OSBPL9: variants seen among roughly 807,000 people sequenced by gnomAD.
The protein encoded by OSBPL9 is oxysterol binding protein like 9, also known as oxysterol-binding protein-related protein 9.
Under a neutral mutation model 106.6 loss-of-function variants are expected in OSBPL9, and 40 were observed. That is an observed-to-expected ratio of 0.38 (90% CI 0.29 to 0.49). OSBPL9 has a LOEUF of 0.49. Among genes scored for constraint, OSBPL9 ranks in the 20% least tolerant of loss-of-function variants. The probability of loss-of-function intolerance (pLI) is 0.97; values close to 1 mark genes in which losing one functional copy is unlikely to be tolerated. For missense variants in OSBPL9, 609 were observed against 887.2 expected (o/e 0.69, Z 3.98); for synonymous variants, 269 against 295.4 (o/e 0.91, Z 0.92).
At chr1:51,621,389 C>T (rs1644424425) in intron 1 of OSBPL9, among the ~76,000 whole-genome samples, 1 of 151,894 alleles carries the variant, frequency 6.6e-6, no homozygotes, top group Non-Finnish European at 1.5e-5. Flanking sequence ...ACTTGGGAGG[C>T]CAAGAATTCA....
chr1:51,732,244 T>C (rs953312237), intron 4 of OSBPL9, among the ~76,000 whole-genome samples: 2 of 152,180 alleles, frequency 1.3e-5, no homozygotes, highest in African/African-American at 4.8e-5. Flanking sequence ...GACAAGAAAA[T>C]CTGATAATCA....
chr1:51,629,087 G>A (rs1021746732), intron 1 of OSBPL9, among the ~76,000 whole-genome samples: 1 of 152,078 alleles, frequency 6.6e-6, no homozygotes, highest in Admixed American at 6.6e-5. Flanking sequence ...GACAGGTCTA[G>A]CATGGTTGAT....
At position 51,651,998 on chromosome 1, in the gene OSBPL9, A is replaced by G; in HGVS notation, c.119A>G (p.Asp40Gly). ...AGLLSYYTSKDKMMRGSRRGC... is the reference protein window; with the variant it reads ...AGLLSYYTSKGKMMRGSRRGC... ...GCTTTGTTTTTCTTTTAGTCCAAGG[A>G]CAAAATGATGAGAGGCTCTCGCAGA... The change falls in exon 2 of 24, where the codon GAC becomes GGC. Residue 40 changes from aspartate (D) to glycine (G), a missense_variant. This residue lies in a region of OSBPL9 where 72 missense variants were observed against 140.5 expected (regional missense o/e 0.51). Transcript: ENST00000428468. 1.2e-6 allele frequency: 2 copies of G among 1,608,296 alleles called. No homozygotes were observed. Among genetic ancestry groups the G allele is most frequent in the Admixed American group, 1.7e-5 (1 of 59,082 alleles).
the OSBPL9 span, among the ~76,000 whole-genome samples, chr1:51,556,110 C>A: frequency 2.0e-5 from 3 of 151,908 alleles, no homozygotes; most frequent in South Asian, 6.2e-4. Context: ...TAAGCCTAGT[C>A]CCTATAAGTA....
At chr1:51,600,131 T>A (rs1265385659) in intron 2 of OSBPL9, among the ~76,000 whole-genome samples, 2 of 152,220 alleles carry the variant, frequency 1.3e-5, no homozygotes, top group Admixed American at 6.5e-5. Context: ...AGTTCCAACA[T>A]ATGAATTTTG....
chr1:51,780,166 CAAT>C (rs1676023858), intron 15 of OSBPL9, among the ~76,000 whole-genome samples: 1 of 147,392 alleles, frequency 6.8e-6, no homozygotes, highest in African/African-American at 2.5e-5. Flanking sequence ...AACCACAATG[CAAT>C]AATACCACCT....
chr1:51,621,156 C>T (rs1045988322), intron 1 of OSBPL9, among the ~76,000 whole-genome samples: 7 of 152,212 alleles, frequency 4.6e-5, no homozygotes, highest in Non-Finnish European at 1.5e-5. Flanking sequence ...ACTCCTTCCT[C>T]CTCTATTGAA....
chr1:51,776,022 A>G (rs1674993409), intron 14 of OSBPL9, among the ~76,000 whole-genome samples: 1 of 152,202 alleles, frequency 6.6e-6, no homozygotes, highest in African/African-American at 2.4e-5. Flanking sequence ...TGAATAATTG[A>G]TAATCTGATA....
At chr1:51,602,015 G>GTTTTTTTTTT (rs1266396456) in intron 2 of OSBPL9, among the ~76,000 whole-genome samples, 86 of 16,160 alleles carry the variant, frequency 5.3e-3, no homozygotes, top group Admixed American at 9.7e-3. Context: ...CATTCTTGGG[G>GTTTTTTTTTT]TTCTTTTTTT....
chr1:51,788,126 CTTGT>C lies in OSBPL9; in HGVS notation c.*340_*343del, dbSNP rs1378874482. 2 of 268,834 alleles carry C rather than the reference CTTGT, an allele frequency of 7.4e-6. No individual in the cohort carries two copies. The highest frequency in any genetic ancestry group is 1.4e-5 in the Non-Finnish European group (2 of 140,086). 16.7% of individuals were successfully genotyped at this position (268,834 alleles called of 1,614,324 possible). On this transcript the variant is annotated 3_prime_UTR_variant, in exon 24 of 24. Transcript: ENST00000428468. The stretch of plus-strand genomic sequence containing the variant: ...CTAGTACTGCTGTTAAGATACACAA[CTTGT>C]TTCTTAGTTCATATAATCTCGGGAT...
chr1:51,624,266 T>C (rs114462464), intron 1 of OSBPL9, among the ~76,000 whole-genome samples: 4,911 of 152,136 alleles, frequency 0.032, 208 homozygotes, highest in East Asian at 0.11. Context: ...TTTAGAATTA[T>C]AAAAGGAACA....
chr1:51,593,000 T>A (rs1465565922), intron 1 of OSBPL9, among the ~76,000 whole-genome samples: 1 of 152,154 alleles, frequency 6.6e-6, no homozygotes, highest in East Asian at 1.9e-4. Context: ...CTGAAATCCA[T>A]CAGGAAGTAG....
chr1:51,746,792 T>C, intron 6 of OSBPL9, 35 bp downstream of exon 6: 2 of 1,546,000 alleles, frequency 1.3e-6, no homozygotes, highest in Non-Finnish European at 1.8e-6. Context: ...ACGTTAAAAA[T>C]TTTAAATTCA....
intron 4 of OSBPL9, among the ~76,000 whole-genome samples, chr1:51,734,101 G>C (rs1665107881): frequency 6.6e-6 from 1 of 152,178 alleles, no homozygotes; most frequent in Non-Finnish European, 1.5e-5. Flanking sequence ...ATAAATATAT[G>C]TGTCATGAAT....
chr1:51,533,428 G>A, the OSBPL9 span, among the ~76,000 whole-genome samples: 3 of 150,602 alleles, frequency 2.0e-5, no homozygotes, highest in African/African-American at 4.9e-5. Context: ...GGAGGTTTCG[G>A]TGAGTGGAAA....
At chr1:51,754,425 T>G (rs888295093) in intron 8 of OSBPL9, among the ~76,000 whole-genome samples, 4 of 152,332 alleles carry the variant, frequency 2.6e-5, no homozygotes, top group Admixed American at 6.5e-5. Context: ...AAATGGTCAT[T>G]CTTACAGGCA....
At chr1:51,698,184 A>T (rs967411875) in intron 3 of OSBPL9, among the ~76,000 whole-genome samples, 2 of 152,186 alleles carry the variant, frequency 1.3e-5, no homozygotes, top group African/African-American at 4.8e-5. Flanking sequence ...AAAGCTAGGT[A>T]TCAGACGAGG....
chr1:51,781,145 T>C lies in OSBPL9; in HGVS notation c.1257-19T>C. Reference sequence around the variant, plus strand: ...GTACCAGAAAGCAGGACATTAAATTTTGTCTTTCTCCCTTGCAGCATTAGT... The same window carrying C: ...GTACCAGAAAGCAGGACATTAAATTCTGTCTTTCTCCCTTGCAGCATTAGT... On this transcript the variant is annotated intron_variant, in intron 15 of 23. Transcript: ENST00000428468. The C allele has an allele frequency of 6.2e-7, 1 of 1,611,320 alleles. No homozygotes were observed.
chr1:51,729,890 G>A lies in OSBPL9; in HGVS notation c.319-15646G>A, dbSNP rs1663948022. ...CCGCCTGCACCGCAGTCCGGGGATCGGGTCGAGGGGAGAAGAAAAAGGGGT... is the reference window on the plus strand; with the variant it reads ...CCGCCTGCACCGCAGTCCGGGGATCAGGTCGAGGGGAGAAGAAAAAGGGGT... On this transcript the variant is annotated intron_variant, in intron 4 of 23. Coordinates refer to ENST00000428468, the MANE Select transcript of OSBPL9 (RefSeq NM_024586.6). The surrounding 1 kb of genome is among the most constrained non-coding windows in gnomAD (Gnocchi z 5.1). 1 of 1,263,734 alleles carries A rather than the reference G, an allele frequency of 7.9e-7. No individual in the cohort carries two copies. Among genetic ancestry groups the A allele is most frequent in the Admixed American group, 3.9e-5 (1 of 25,328 alleles). The allele number at this position is 1,263,734 out of a possible 1,614,324, so 78.3% of individuals were successfully genotyped here.
Sources: allele counts gnomAD v4.1 joint callset (sites outside exome capture counted in the v4.1 genomes callset), GRCh38; gene constraint gnomAD v4.1.1; regional missense constraint gnomAD v4.1.1; non-coding constraint Gnocchi (gnomAD v3.1); transcripts MANE v1.5; gene names NCBI Gene and HGNC (gene_info 2026-07-23, HGNC 2026-07-21).